Variants in IL20RA observed in about 807,000 individuals in gnomAD.
IL20RA encodes interleukin-20 receptor subunit alpha.
Under a neutral mutation model 36.5 loss-of-function variants are expected in IL20RA, and 29 were observed. That is an observed-to-expected ratio of 0.79 (90% CI 0.59 to 1.08). The LOEUF (loss-of-function observed/expected upper bound fraction) is 1.08, where lower values mean the gene tolerates loss of function less well. IL20RA is among the 50% of genes least tolerant of loss of function. IL20RA has a pLI of 0.00. For missense variants in IL20RA, 652 were observed against 668.4 expected, an observed-to-expected ratio of 0.98 and a Z score of 0.27; for synonymous variants, 279 against 267.1, an observed-to-expected ratio of 1.04 and a Z score of -0.43.
intron 1 of IL20RA, among the ~76,000 whole-genome samples, chr6:137,039,478 T>G (rs1222021816): frequency 6.6e-6 from 1 of 152,160 alleles, no homozygotes; most frequent in Non-Finnish European, 1.5e-5. Context: ...AAAGAACACT[T>G]GAGCGAGCAA....
intron 1 of IL20RA, among the ~76,000 whole-genome samples, chr6:137,027,992 C>T (rs183387766): frequency 1.3e-5 from 2 of 152,302 alleles, no homozygotes; most frequent in East Asian, 3.9e-4. Flanking sequence ...GAGGTAAACT[C>T]AAGTATTATT....
chr6:137,029,396 A>G (rs1348361353), intron 1 of IL20RA, among the ~76,000 whole-genome samples: 1 of 152,146 alleles, frequency 6.6e-6, no homozygotes, highest in Non-Finnish European at 1.5e-5. Context: ...AGTCTCAGCT[A>G]CTCGAGAGGC....
chr6:137,004,169 T>G (rs1220763040), intron 6 of IL20RA, among the ~76,000 whole-genome samples: 68 of 128,770 alleles, frequency 5.3e-4, no homozygotes, highest in Non-Finnish European at 1.0e-3. Context: ...CTTTTTTTTT[T>G]TTTTTTTTTT....
intron 5 of IL20RA, among the ~76,000 whole-genome samples, chr6:137,008,236 A>C (rs1267169073): frequency 6.6e-6 from 1 of 152,182 alleles, no homozygotes; most frequent in East Asian, 1.9e-4. Flanking sequence ...AAGTGCTGAA[A>C]TTTCAGGTGT....
chr6:137,009,675 G>A (rs1024365484), intron 3 of IL20RA, among the ~76,000 whole-genome samples, 183 bp from the exon 4 acceptor site: 1 of 131,300 alleles, frequency 7.6e-6, no homozygotes, highest in African/African-American at 2.9e-5. Flanking sequence ...GCATGATCTC[G>A]GCTCACTGCA....
intron 1 of IL20RA, among the ~76,000 whole-genome samples, chr6:137,043,347 T>C (rs1348614527): frequency 1.3e-5 from 2 of 152,148 alleles, no homozygotes; most frequent in Non-Finnish European, 2.9e-5. Flanking sequence ...GCCATCCTCC[T>C]GCCTATGTCT....
intron 1 of IL20RA, among the ~76,000 whole-genome samples, chr6:137,041,545 G>A (rs1411212361): frequency 6.6e-6 from 1 of 152,158 alleles, no homozygotes; most frequent in East Asian, 1.9e-4. Context: ...AATCATTTAT[G>A]TCCCTGTGTA....
rs1055170687 is a variant in IL20RA, at chr6:137,011,565, A to G, written c.225-113T>C. ...CTGACGACCTTCTCTTCAGAAAAAC[A>G]AAAGTGCCTGTCATTGAGATAAAAA... On this transcript the variant is annotated intron_variant, in intron 2 of 6. Coordinates refer to ENST00000316649, the MANE Select transcript of IL20RA (RefSeq NM_014432.4). The G allele has an allele frequency of 7.5e-6, 5 of 664,774 alleles. No homozygotes were observed. In the African/African-American group the frequency reaches 9.1e-5, roughly 12 times the overall value. The allele number at this position is 664,774 out of a possible 1,614,324, so 41.2% of individuals were successfully genotyped here.
intron 1 of IL20RA, among the ~76,000 whole-genome samples, chr6:137,037,007 G>A (rs1776513794): frequency 6.6e-6 from 1 of 152,296 alleles, no homozygotes; most frequent in East Asian, 1.9e-4. Context: ...GTAAACAAAT[G>A]CTTTAACTAG....
intron 2 of IL20RA, among the ~76,000 whole-genome samples, chr6:137,015,609 A>T (rs1193369197): frequency 6.6e-6 from 1 of 152,176 alleles, no homozygotes; most frequent in African/African-American, 2.4e-5. Context: ...AATGGATATA[A>T]GAATAGGGCT....
At chr6:137,014,916 C>T (rs1277071855) in intron 2 of IL20RA, among the ~76,000 whole-genome samples, 1 of 152,174 alleles carries the variant, frequency 6.6e-6, no homozygotes, top group Non-Finnish European at 1.5e-5. Flanking sequence ...TCCACCTCAT[C>T]CTCCAGGAAG....
intron 1 of IL20RA, among the ~76,000 whole-genome samples, chr6:137,018,432 A>T (rs115043184): frequency 2.6e-4 from 39 of 151,822 alleles, no homozygotes; most frequent in African/African-American, 8.7e-4. Context: ...CCTACTTTTA[A>T]CCTTGCTCAT....
Position 137,008,722 on chromosome 6 carries a change from G to A in IL20RA, c.601C>T (p.His201Tyr). 1 of 1,603,530 alleles carries A rather than the reference G, an allele frequency of 6.2e-7. No homozygotes were observed. The highest frequency in any genetic ancestry group is 8.5e-7 in the Non-Finnish European group (1 of 1,175,134). ...NRTWSQCVTN[H>Y]TLVLTWLEPN... ...TCCAGCCAGGTGAGCACCAGCGTGT[G>A]GTTGGTCACACACTGGGACCACTAG... The change falls in exon 5 of 7, where the codon CAC becomes TAC. Residue 201 changes from histidine to tyrosine, a missense_variant. Transcript: ENST00000316649.
intron 1 of IL20RA, among the ~76,000 whole-genome samples, chr6:137,032,088 A>T (rs1776314191): frequency 6.6e-6 from 1 of 152,032 alleles, no homozygotes; most frequent in African/African-American, 2.4e-5. Flanking sequence ...AAAAAAAAGA[A>T]AATAAATCCA....
intron 1 of IL20RA, among the ~76,000 whole-genome samples, chr6:137,033,525 G>A (rs12191658): frequency 0.075 from 11,448 of 152,230 alleles, 740 homozygotes; most frequent in East Asian, 0.35. Context: ...CTGATAGTGA[G>A]TGAGTTCTCA....
intron 1 of IL20RA, among the ~76,000 whole-genome samples, chr6:137,042,172 A>T (rs1221936658): frequency 4.0e-5 from 6 of 151,846 alleles, no homozygotes; most frequent in Non-Finnish European, 7.4e-5. Flanking sequence ...AGGAACTTCC[A>T]GAGGAACTGC....
At chr6:137,016,588 T>C (rs1191408637) in intron 2 of IL20RA, among the ~76,000 whole-genome samples, 1 of 152,204 alleles carries the variant, frequency 6.6e-6, no homozygotes, top group Non-Finnish European at 1.5e-5. Context: ...CTGCTATCTT[T>C]AAGTGCAACA....
rs552918197 is a variant in IL20RA, at chr6:137,026,218, G to A, written c.89-9115C>T. On this transcript the variant is annotated intron_variant, in intron 1 of 6. Transcript: ENST00000316649. Reference sequence around the variant, plus strand: ...GCCTTCTAAAGCTGAAGCTGTGAAGGAATCAGAGGCTCTGATCTGTTGGAC... The same window carrying A: ...GCCTTCTAAAGCTGAAGCTGTGAAGAAATCAGAGGCTCTGATCTGTTGGAC... 2.1e-3 allele frequency among the ~76,000 whole-genome samples: 313 copies of A among 152,304 alleles called. 1 individual carries two copies. The highest frequency in any genetic ancestry group is 7.4e-3 in the African/African-American group (308 of 41,556).
In IL20RA at chr6:137,044,819, C is replaced by G. The variant is rs1399056195; in HGVS notation, c.-91G>C. On this transcript the variant is annotated 5_prime_UTR_variant, in exon 1 of 7. Coordinates refer to ENST00000316649, the MANE Select transcript of IL20RA (RefSeq NM_014432.4). ...AAGCGCGGCCGCGCGGCCTCAGCTC[C>G]GCGCCTGGGGCTCTGCGTGCCACGC... 2.6e-6 allele frequency: 3 copies of G among 1,140,110 alleles called. No homozygotes were observed. The highest frequency in any genetic ancestry group is 3.3e-6 in the Non-Finnish European group (3 of 914,228). The allele number at this position is 1,140,110 out of a possible 1,614,324, so 70.6% of individuals were successfully genotyped here.
Sources: allele counts gnomAD v4.1 joint callset (sites outside exome capture counted in the v4.1 genomes callset), GRCh38; gene constraint gnomAD v4.1.1; transcripts MANE v1.5; gene names NCBI Gene and HGNC (gene_info 2026-07-23, HGNC 2026-07-21).